STPG2: variants seen among roughly 807,000 people sequenced by gnomAD.
STPG2 encodes the protein sperm-tail PG-rich repeat-containing protein 2.
In STPG2, 56 loss-of-function variants were observed where a neutral mutation model predicts 54.2. The ratio of observed to expected loss-of-function variants is 1.03; its 90% confidence interval spans 0.83 to 1.29. The LOEUF is 1.29. Among genes scored for constraint, STPG2 ranks in the 50% most tolerant of loss-of-function variants. The pLI is 0.00. For missense variants in STPG2, 596 were observed against 544.9 expected, an observed-to-expected ratio of 1.09 and a Z score of -0.93; for synonymous variants, 200 against 181.8, an observed-to-expected ratio of 1.10 and a Z score of -0.81.
At chr4:98,000,255 T>C (rs977819934) in intron 5 of STPG2, among the ~76,000 whole-genome samples, 2 of 152,156 alleles carry the variant, frequency 1.3e-5, no homozygotes, top group Non-Finnish European at 2.9e-5. Context: ...CTCTTTCTGT[T>C]ATGTCATCTT....
chr4:97,723,473 T>A (rs892988142), intron 9 of STPG2, among the ~76,000 whole-genome samples: 1 of 152,182 alleles, frequency 6.6e-6, no homozygotes, highest in Non-Finnish European at 1.5e-5. Context: ...CTGAATCTGA[T>A]TTCTTTTTAA....
chr4:97,445,378 ACTGT>A (rs1312616835), intron 4 of STPG2, among the ~76,000 whole-genome samples: 1 of 152,190 alleles, frequency 6.6e-6, no homozygotes, highest in Non-Finnish European at 1.5e-5. Flanking sequence ...CTAGACCAGC[ACTGT>A]CTAATAGAAC....
chr4:97,822,501 A>G (rs1419475153), intron 9 of STPG2, among the ~76,000 whole-genome samples: 2 of 152,144 alleles, frequency 1.3e-5, no homozygotes, highest in Non-Finnish European at 2.9e-5. Flanking sequence ...GCAATGCCCA[A>G]CTTCTTAGTA....
chr4:98,123,674 G>A (rs1383525209), intron 3 of STPG2, among the ~76,000 whole-genome samples: 1 of 152,156 alleles, frequency 6.6e-6, no homozygotes, highest in East Asian at 1.9e-4. Context: ...TTGTTTTGGG[G>A]TAGAGAGTTC....
intron 4 of STPG2, among the ~76,000 whole-genome samples, chr4:97,463,787 A>G (rs1729725260): frequency 6.6e-6 from 1 of 152,158 alleles, no homozygotes; most frequent in African/African-American, 2.4e-5. Flanking sequence ...TATATTTGTT[A>G]TCACTAATGG....
At position 97,559,080 on chromosome 4, in the gene STPG2, T is replaced by A; in HGVS notation, c.1358A>T (p.Glu453Val). The A allele has an allele frequency of 6.2e-7, 1 of 1,604,284 alleles. No homozygotes were observed. The highest frequency in any genetic ancestry group is 8.5e-7 in the Non-Finnish European group (1 of 1,176,682). Reference sequence around the variant, plus strand: ...ATGTCACATTATATCAGCAGCCATTTCACCAATGAGATTTCCTTTCTTTTT... The same window carrying A: ...ATGTCACATTATATCAGCAGCCATTACACCAATGAGATTTCCTTTCTTTTT... ...QEKKKGNLIG[E>V]MAADIM The change falls in exon 11 of 11, where the codon GAA becomes GTA. Residue 453 changes from glutamate to valine, a missense_variant. By Grantham distance (121) the Glu-to-Val change is moderately radical (BLOSUM62 -2). Transcript: ENST00000295268.
chr4:97,760,801 G>A (rs551842135), intron 9 of STPG2, among the ~76,000 whole-genome samples: 1 of 152,086 alleles, frequency 6.6e-6, no homozygotes, highest in Non-Finnish European at 1.5e-5. Flanking sequence ...TACAGCTTTG[G>A]AGGTCAGAAA....
chr4:97,454,519 CAAAAAAAAAA>C (rs10564687), intron 4 of STPG2, among the ~76,000 whole-genome samples: 26 of 43,670 alleles, frequency 6.0e-4, no homozygotes, highest in Admixed American at 8.8e-4. Flanking sequence ...GACTCCGTCT[CAAAAAAAAAA>C]AAAAAAAAAA....
At chr4:98,066,448 G>C (rs1737839922) in intron 5 of STPG2, among the ~76,000 whole-genome samples, 1 of 152,172 alleles carries the variant, frequency 6.6e-6, no homozygotes. Context: ...AATTAGCCAG[G>C]TATGGTGGTG....
intron 10 of STPG2, among the ~76,000 whole-genome samples, chr4:97,684,276 G>T (rs1034883800): frequency 5.9e-5 from 9 of 151,832 alleles, no homozygotes; most frequent in Non-Finnish European, 2.9e-5. Context: ...AAAAGATCCA[G>T]AATAGTCAAC....
intron 3 of STPG2, among the ~76,000 whole-genome samples, chr4:98,120,644 TGC>T (rs1275531118): frequency 2.6e-5 from 4 of 152,236 alleles, no homozygotes; most frequent in African/African-American, 9.6e-5. Context: ...GGTTTTGGTT[TGC>T]ATTCCTCTAA....
intron 10 of STPG2, among the ~76,000 whole-genome samples, chr4:97,611,118 A>G (rs2148914891): frequency 6.6e-6 from 1 of 152,158 alleles, no homozygotes; most frequent in African/African-American, 2.4e-5. Flanking sequence ...CTTTTATCAC[A>G]TAAGAATTTC....
chr4:97,962,794 A>G (rs542283162), intron 7 of STPG2, among the ~76,000 whole-genome samples: 35 of 152,334 alleles, frequency 2.3e-4, no homozygotes, highest in Admixed American at 1.5e-3. Context: ...AAGTATATTC[A>G]AACACTCTGA....
chr4:97,864,294 G>C (rs868526385), intron 8 of STPG2, among the ~76,000 whole-genome samples: 1 of 102,990 alleles, frequency 9.7e-6, no homozygotes, highest in Admixed American at 8.3e-5. Flanking sequence ...AGCATTCTTA[G>C]ACACCAATAA....
At chr4:97,906,961 C>G (rs1370880853) in intron 8 of STPG2, among the ~76,000 whole-genome samples, 5 of 150,294 alleles carry the variant, frequency 3.3e-5, no homozygotes, top group South Asian at 2.1e-4. Flanking sequence ...TGGCACAAGA[C>G]AGGGATGCCC....
chr4:97,858,148 A>T (rs2149137459), intron 8 of STPG2, among the ~76,000 whole-genome samples: 1 of 152,298 alleles, frequency 6.6e-6, no homozygotes, highest in South Asian at 2.1e-4. Context: ...ATAATGTCAG[A>T]GAACTTTCCA....
At chr4:97,699,251 G>T (rs1473375900) in intron 10 of STPG2, among the ~76,000 whole-genome samples, 1 of 152,156 alleles carries the variant, frequency 6.6e-6, no homozygotes, top group African/African-American at 2.4e-5. Flanking sequence ...CTCCATCACT[G>T]CCACCATGGC....
At chr4:97,472,464 T>C (rs1729961149) in intron 4 of STPG2, among the ~76,000 whole-genome samples, 1 of 152,184 alleles carries the variant, frequency 6.6e-6, no homozygotes, top group Admixed American at 6.5e-5. Context: ...TGTGAGAGTA[T>C]TCTGTTCTTA....
intron 9 of STPG2, among the ~76,000 whole-genome samples, chr4:97,725,375 A>C (rs1201209175): frequency 6.6e-6 from 1 of 151,972 alleles, no homozygotes; most frequent in Non-Finnish European, 1.5e-5. Flanking sequence ...AGAAATAGCC[A>C]CATGAAAGAC....
Sources: allele counts gnomAD v4.1 joint callset (sites outside exome capture counted in the v4.1 genomes callset), GRCh38; gene constraint gnomAD v4.1.1; transcripts MANE v1.5; gene names NCBI Gene and HGNC (gene_info 2026-07-23, HGNC 2026-07-21).